Variants in GLRA3 observed in about 807,000 individuals in gnomAD.
The protein encoded by GLRA3 is glycine receptor alpha 3.
A neutral mutation model predicts 60.4 loss-of-function variants in GLRA3; 44 were observed. That is an observed-to-expected ratio of 0.73 (90% CI 0.57 to 0.94). The LOEUF is 0.94. GLRA3 is among the 40% of genes least tolerant of loss of function. GLRA3 has a pLI of 0.00. For synonymous variants in GLRA3, 223 were observed against 192.9 expected (o/e 1.16, Z -1.29); for missense variants, 508 against 564.6 (o/e 0.90, Z 1.02).
intron 1 of GLRA3, among the ~76,000 whole-genome samples, chr4:174,827,571 A>T: frequency 6.6e-6 from 1 of 151,910 alleles, no homozygotes; most frequent in East Asian, 1.9e-4. Context: ...ATAAAGTCAC[A>T]AAAATTACTA....
At chr4:174,715,073 T>C (rs573043873) in intron 5 of GLRA3, among the ~76,000 whole-genome samples, 2 of 152,340 alleles carry the variant, frequency 1.3e-5, no homozygotes, top group African/African-American at 2.4e-5. Flanking sequence ...TACTCAACCA[T>C]TCAACATGAC....
At chr4:174,650,076 T>G (rs1470009713) in intron 9 of GLRA3, among the ~76,000 whole-genome samples, 6 of 152,166 alleles carry the variant, frequency 3.9e-5, no homozygotes, top group Admixed American at 6.5e-5. Context: ...GGGTGGCTAA[T>G]TAATCCAGAT....
Position 174,642,859 on chromosome 4 carries a change from T to C in GLRA3, c.*927A>G, listed in dbSNP as rs1732661678. On this transcript the variant is annotated 3_prime_UTR_variant, in exon 10 of 10. Coordinates refer to ENST00000274093, the MANE Select transcript of GLRA3 (RefSeq NM_006529.4). ...GTATTCATTTTTATCAAAATGTAAA[T>C]ACTTTAATCCCATTGAATTTTAAAG... 1.4e-6 allele frequency: 1 copy of C among 708,208 alleles called. No individual in the cohort carries two copies. The highest frequency in any genetic ancestry group is 1.7e-6 in the Non-Finnish European group (1 of 578,120). 43.9% of individuals were successfully genotyped at this position (708,208 alleles called of 1,614,324 possible).
chr4:174,721,383 A>G (rs183670192), intron 4 of GLRA3, among the ~76,000 whole-genome samples: 1 of 152,210 alleles, frequency 6.6e-6, no homozygotes, highest in East Asian at 1.9e-4. Context: ...ATAAATATGT[A>G]ATTCTTGCTC....
At chr4:174,662,882 A>T (rs1201042555) in intron 7 of GLRA3, among the ~76,000 whole-genome samples, 1 of 144,082 alleles carries the variant, frequency 6.9e-6, no homozygotes, top group Non-Finnish European at 1.5e-5. Flanking sequence ...TTGAGGGCAG[A>T]TGACATCTCT....
intron 1 of GLRA3, among the ~76,000 whole-genome samples, chr4:174,824,921 A>G (rs1740904265): frequency 6.6e-6 from 1 of 152,220 alleles, no homozygotes; most frequent in Non-Finnish European, 1.5e-5. Context: ...AATTTCGTGA[A>G]TAAATCTTGT....
At chr4:174,666,754 ATATAT>A (rs869183703) in intron 7 of GLRA3, among the ~76,000 whole-genome samples, 6 of 75,448 alleles carry the variant, frequency 8.0e-5, no homozygotes, top group South Asian at 5.5e-4. Context: ...ATATATATAT[ATATAT>A]TATATATATA....
intron 1 of GLRA3, among the ~76,000 whole-genome samples, chr4:174,792,476 A>G (rs1739391431): frequency 6.6e-6 from 1 of 152,182 alleles, no homozygotes; most frequent in African/African-American, 2.4e-5. Context: ...AAATAAAGTC[A>G]TGTCTGGAGG....
intron 1 of GLRA3, among the ~76,000 whole-genome samples, chr4:174,796,671 G>T: frequency 6.6e-6 from 1 of 151,914 alleles, no homozygotes; most frequent in South Asian, 2.1e-4. Flanking sequence ...CGAGTAGCTG[G>T]GACTACAGGC....
At chr4:174,677,947 C>CCT (rs566525325) in intron 6 of GLRA3, among the ~76,000 whole-genome samples, 2 of 152,112 alleles carry the variant, frequency 1.3e-5, no homozygotes, top group African/African-American at 2.4e-5. Context: ...CTTCTTTACT[C>CCT]ATAGACTGTT....
At chr4:174,747,861 G>T (rs1737314126) in intron 3 of GLRA3, among the ~76,000 whole-genome samples, 1 of 129,550 alleles carries the variant, frequency 7.7e-6, no homozygotes, top group Admixed American at 8.7e-5. Context: ...AGTTAATCTT[G>T]CCTTTAACAT....
intron 7 of GLRA3, among the ~76,000 whole-genome samples, chr4:174,675,166 T>G (rs972622707): frequency 6.6e-6 from 1 of 152,160 alleles, no homozygotes; most frequent in Non-Finnish European, 1.5e-5. Context: ...TTTTTAGATG[T>G]CATTGTCTCT....
intron 4 of GLRA3, among the ~76,000 whole-genome samples, chr4:174,719,896 C>T (rs1736071244): frequency 6.6e-6 from 1 of 152,174 alleles, no homozygotes; most frequent in African/African-American, 2.4e-5. Flanking sequence ...AAAAAAGCAA[C>T]TGTCAAAATA....
At chr4:174,663,301 C>T (rs1326261070) in intron 7 of GLRA3, among the ~76,000 whole-genome samples, 18 of 152,082 alleles carry the variant, frequency 1.2e-4, no homozygotes, top group African/African-American at 2.7e-4. Flanking sequence ...TTCTGTAATT[C>T]GGCCAGAAAT....
At chr4:174,751,104 TATCA>T (rs796499011) in intron 3 of GLRA3, among the ~76,000 whole-genome samples, 1 of 145,194 alleles carries the variant, frequency 6.9e-6, no homozygotes, top group African/African-American at 2.5e-5. Flanking sequence ...TCTATCTATC[TATCA>T]ATCATCTATC....
chr4:174,819,119 T>C (rs1286874774), intron 1 of GLRA3, among the ~76,000 whole-genome samples: 2 of 152,168 alleles, frequency 1.3e-5, no homozygotes, highest in African/African-American at 4.8e-5. Flanking sequence ...TTCTGATAAG[T>C]AGAACAAACT....
At chr4:174,756,555 A>T (rs1298508571) in intron 3 of GLRA3, among the ~76,000 whole-genome samples, 1 of 152,152 alleles carries the variant, frequency 6.6e-6, no homozygotes, top group African/African-American at 2.4e-5. Flanking sequence ...ATTCCTTTTC[A>T]TAATAAAACA....
At chr4:174,765,131 G>C (rs562346244) in intron 3 of GLRA3, among the ~76,000 whole-genome samples, 1 of 152,122 alleles carries the variant, frequency 6.6e-6, no homozygotes, top group East Asian at 1.9e-4. Flanking sequence ...CTTATGGTGA[G>C]AGTGTGTTTG....
chr4:174,718,153 T>C (rs540370377), intron 4 of GLRA3, among the ~76,000 whole-genome samples: 3 of 152,352 alleles, frequency 2.0e-5, no homozygotes, highest in African/African-American at 7.2e-5. Context: ...TTTCTTTTTG[T>C]TTAAGGTACA....
Sources: gnomAD v4.1 joint callset for allele counts (sites outside exome capture counted in the v4.1 genomes callset) on GRCh38, gnomAD v4.1.1 for gene constraint, MANE v1.5 for transcripts, NCBI Gene and HGNC (gene_info 2026-07-23, HGNC 2026-07-21) for gene names.